Variants in ZNF503 observed in about 807,000 individuals in gnomAD.
ZNF503 encodes zinc finger protein 503.
In ZNF503, 15 loss-of-function variants were observed where a neutral mutation model predicts 34.4. The ratio of observed to expected loss-of-function variants is 0.44; its 90% CI spans 0.29 to 0.67. ZNF503 has a LOEUF of 0.67. Ranked by LOEUF, ZNF503 falls within the 30% of genes least tolerant of loss-of-function variation. ZNF503 has a pLI of 0.13. For missense variants in ZNF503, 1,007 were observed against 926.8 expected, an observed-to-expected ratio of 1.09 and a Z score of -1.12; for synonymous variants, 580 against 456.8, an observed-to-expected ratio of 1.27 and a Z score of -3.44.
chr10:75,368,480 T>C, the ZNF503 span, among the ~76,000 whole-genome samples: 1 of 152,352 alleles, frequency 6.6e-6, no homozygotes, highest in East Asian at 1.9e-4. Flanking sequence ...ATAAATCTTA[T>C]GTAATTACTA....
At chr10:75,335,695 C>G in the ZNF503 span, among the ~76,000 whole-genome samples, 3 of 152,180 alleles carry the variant, frequency 2.0e-5, no homozygotes, top group East Asian at 5.8e-4. Context: ...CCTATATGAT[C>G]TCCTGGTGGC....
the ZNF503 span, among the ~76,000 whole-genome samples, chr10:75,371,818 T>C: frequency 2.8e-4 from 42 of 152,302 alleles, no homozygotes; most frequent in African/African-American, 8.9e-4. Flanking sequence ...ACCATGAATA[T>C]TCCCCCTGGC....
Position 75,400,008 on chromosome 10 carries a change from T to C in ZNF503, c.682A>G (p.Ser228Gly). 1.9e-6 allele frequency: 3 copies of C among 1,604,864 alleles called. No homozygotes were observed. Among genetic ancestry groups the C allele is most frequent in the Non-Finnish European group, 2.5e-6 (3 of 1,178,930 alleles). ...TCQPFTPRTG[S>G]PSSSASACSP... ...CAGGCCGAGGCGCTGGAGCTCGGGC[T>C]GCCTGTCCTGGGCGTGAATGGCTGG... is the stretch of plus-strand genomic sequence containing the variant. Residue 228 changes from serine (S) to glycine (G), a missense_variant, in exon 2 of 2, where the codon AGC becomes GGC. Coordinates refer to ENST00000372524, the MANE Select transcript of ZNF503 (RefSeq NM_032772.6).
chr10:75,397,575 T>A (rs1404924676), downstream of ZNF503, among the ~76,000 whole-genome samples: 1 of 150,832 alleles, frequency 6.6e-6, no homozygotes, highest in Non-Finnish European at 1.5e-5. Context: ...CAAGAGAAAA[T>A]TGAAATAAAA....
At position 75,398,459 on chromosome 10, in the gene ZNF503, G is replaced by T. The variant is rs974290679; in HGVS notation, c.*290C>A. Reference sequence around the variant, plus strand: ...GTGTCCACCGATGCAGTCCTCAGATGAACACTTTCTCAATTATTTTTTCCT... The same window carrying T: ...GTGTCCACCGATGCAGTCCTCAGATTAACACTTTCTCAATTATTTTTTCCT... On this transcript the variant is annotated 3_prime_UTR_variant, in exon 2 of 2. Coordinates refer to ENST00000372524, the MANE Select transcript of ZNF503 (RefSeq NM_032772.6). 3 of 303,514 alleles carry T rather than the reference G, an allele frequency of 9.9e-6. No homozygotes were observed. The highest frequency in any genetic ancestry group is 1.8e-5 in the Non-Finnish European group (3 of 166,476). The allele number at this position is 303,514 out of a possible 1,614,324, so 18.8% of individuals were successfully genotyped here.
the ZNF503 span, among the ~76,000 whole-genome samples, chr10:75,349,917 T>A: frequency 2.6e-5 from 4 of 152,180 alleles, no homozygotes; most frequent in Non-Finnish European, 1.5e-5. Context: ...GAAATATACA[T>A]CTGTGGGCCC....
At position 75,399,594 on chromosome 10, in the gene ZNF503, C is replaced by T. The variant is rs1180056358; in HGVS notation, c.1096G>A (p.Ala366Thr). 6.3e-7 allele frequency: 1 copy of T among 1,597,434 alleles called. No homozygotes were observed. Among genetic ancestry groups the T allele is most frequent in the Non-Finnish European group, 8.5e-7 (1 of 1,179,430 alleles). ...AACTGGGGCGGGTAGCCGGCGTAGG[C>T]CCCGGCCAGGCTGCCTGGGTAGGTC... ...GMTYPGSLAG[A>T]YAGYPPQFLP... Residue 366 changes from alanine to threonine, a missense_variant, in exon 2 of 2, where the codon GCC (alanine) becomes ACC (threonine). By Grantham distance (58) the Ala-to-Thr change is moderately conservative. Coordinates refer to ENST00000372524, the MANE Select transcript of ZNF503 (RefSeq NM_032772.6).
At chr10:75,303,964 G>A in the ZNF503 span, among the ~76,000 whole-genome samples, 2 of 151,620 alleles carry the variant, frequency 1.3e-5, no homozygotes, top group Admixed American at 6.6e-5. Context: ...CTCCTGAGTA[G>A]CTGGGATTAC....
the ZNF503 span, among the ~76,000 whole-genome samples, chr10:75,329,898 T>C: frequency 6.6e-6 from 1 of 152,254 alleles, no homozygotes; most frequent in Non-Finnish European, 1.5e-5. Context: ...CTTCCAGTAC[T>C]ATACTGAGTA....
At chr10:75,298,045 G>A in the ZNF503 span, among the ~76,000 whole-genome samples, 2 of 152,188 alleles carry the variant, frequency 1.3e-5, no homozygotes, top group Non-Finnish European at 2.9e-5. Context: ...GAGCAACCAT[G>A]ATCACAATCC....
At chr10:75,344,332 G>A in the ZNF503 span, among the ~76,000 whole-genome samples, 1 of 152,308 alleles carries the variant, frequency 6.6e-6, no homozygotes, top group Middle Eastern at 3.4e-3. Context: ...TTCCACTTAC[G>A]TTCATGGTGA....
chr10:75,370,778 C>CAAAAAAAAAAAAAAAAAAAAAAAAAAAAA, the ZNF503 span, among the ~76,000 whole-genome samples: 1 of 67,974 alleles, frequency 1.5e-5, no homozygotes, highest in Non-Finnish European at 2.6e-5. Context: ...GGCTCCATCT[C>CAAAAAAAAAAAAAAAAAAAAAAAAAAAAA]AAAAAAAAAA....
the ZNF503 span, among the ~76,000 whole-genome samples, chr10:75,347,900 G>T: frequency 6.6e-6 from 1 of 151,982 alleles, no homozygotes; most frequent in Non-Finnish European, 1.5e-5. Flanking sequence ...TTTTTGAGAT[G>T]GAGTCTTCCT....
the ZNF503 span, among the ~76,000 whole-genome samples, chr10:75,337,301 C>T: frequency 6.7e-6 from 1 of 150,304 alleles, no homozygotes; most frequent in South Asian, 2.1e-4. Flanking sequence ...TGCCCTCCAG[C>T]ATGGGCAACA....
At chr10:75,303,896 C>T in the ZNF503 span, among the ~76,000 whole-genome samples, 1 of 144,336 alleles carries the variant, frequency 6.9e-6, no homozygotes, top group African/African-American at 2.6e-5. Context: ...TGCAGTGGTA[C>T]AATCTCAGTT....
chr10:75,389,356 C>G, the ZNF503 span, among the ~76,000 whole-genome samples: 1 of 152,226 alleles, frequency 6.6e-6, no homozygotes, highest in Non-Finnish European at 1.5e-5. Flanking sequence ...AAGTCCCCCT[C>G]TCCTCCCAGT....
chr10:75,287,883 G>A, the ZNF503 span, among the ~76,000 whole-genome samples: 12 of 152,240 alleles, frequency 7.9e-5, no homozygotes, highest in Non-Finnish European at 1.6e-4. Flanking sequence ...TTGGGGACAT[G>A]TGCTTAACCC....
At chr10:75,285,461 A>G in the ZNF503 span, among the ~76,000 whole-genome samples, 1 of 152,090 alleles carries the variant, frequency 6.6e-6, no homozygotes, top group African/African-American at 2.4e-5. Context: ...CATCCCTCCC[A>G]CTCAGCCTCC....
the ZNF503 span, among the ~76,000 whole-genome samples, chr10:75,354,725 A>C: frequency 6.6e-6 from 1 of 151,966 alleles, no homozygotes; most frequent in Admixed American, 6.6e-5. Flanking sequence ...ACAAAACAAA[A>C]CAAACAAACA....
Sources: gnomAD v4.1 joint callset for allele counts (sites outside exome capture counted in the v4.1 genomes callset) on GRCh38, gnomAD v4.1.1 for gene constraint, MANE v1.5 for transcripts, NCBI Gene and HGNC (gene_info 2026-07-23, HGNC 2026-07-21) for gene names.